The following ASCC1 variants were observed in gnomAD, a reference collection of about 807,000 sequenced individuals.
The protein encoded by ASCC1 is ASC-1 complex subunit P50.
Under a neutral mutation model 46.6 loss-of-function variants are expected in ASCC1, and 35 were observed. The ratio of observed to expected loss-of-function variants is 0.75; its 90% CI spans 0.57 to 0.99. ASCC1 has a LOEUF of 0.99. ASCC1 is among the 50% of genes least tolerant of loss of function. ASCC1 has a pLI of 0.00. For synonymous variants in ASCC1, 143 were observed against 146.6 expected (o/e 0.98, Z 0.18); for missense variants, 376 against 428.7 (o/e 0.88, Z 1.09).
intron 6 of ASCC1, among the ~76,000 whole-genome samples, chr10:72,154,490 A>C (rs1848718245): frequency 6.7e-6 from 1 of 150,184 alleles, no homozygotes; most frequent in Non-Finnish European, 1.5e-5. Flanking sequence ...ATTTATGCAT[A>C]GGGTTTTTTT....
rs374260680 is a variant in ASCC1, at chr10:72,192,870, G to A, written c.489+3941C>T. 5.9e-5 allele frequency among the ~76,000 whole-genome samples: 9 copies of A among 152,244 alleles called. No individual in the cohort carries two copies. In the East Asian group the frequency reaches 1.2e-3, roughly 20 times the overall value. ...AGATAATATAAGGATGGCAAAAAAA[G>A]CACATGAAAAAATGTTCAACATCAT... On this transcript the variant is annotated intron_variant, in intron 5 of 9. Transcript: ENST00000672957.
At chr10:72,213,446 C>A in intron 1 of ASCC1, 115 bp from the exon 2 acceptor site, 1 of 663,444 alleles carries the variant, frequency 1.5e-6, no homozygotes, top group Non-Finnish European at 2.8e-6. Flanking sequence ...ATCTCCCACA[C>A]AAAAGCAGCA....
Position 72,204,473 on chromosome 10 carries a change from C to T in ASCC1, c.213-949G>A, listed in dbSNP as rs781474269. The T allele has an allele frequency of 1.2e-5, 18 of 1,550,318 alleles. No homozygotes were observed. In the South Asian group the frequency reaches 1.9e-4, roughly 16 times the overall value. On this transcript the variant is annotated intron_variant, in intron 3 of 9. Coordinates refer to ENST00000672957, the MANE Select transcript of ASCC1 (RefSeq NM_001198800.3). ...ACAATCCAAAGTTATCTTCTGGAAC[C>T]CACAGTCGTTTGATGTGTTCAAGTG...
At chr10:72,139,971 G>A (rs1846764961) in intron 7 of ASCC1, among the ~76,000 whole-genome samples, 2 of 152,194 alleles carry the variant, frequency 1.3e-5, no homozygotes, top group East Asian at 3.8e-4. Context: ...GCAATACAGA[G>A]TGTTTCGGGT....
intron 5 of ASCC1, among the ~76,000 whole-genome samples, chr10:72,172,811 T>A (rs1156883027): frequency 9.7e-5 from 13 of 134,298 alleles, no homozygotes; most frequent in African/African-American, 3.3e-4. Context: ...ATTTTTATAT[T>A]ATATATAATA....
chr10:72,211,102 CATCT>C, intron 2 of ASCC1, among the ~76,000 whole-genome samples: 1 of 152,272 alleles, frequency 6.6e-6, no homozygotes, highest in East Asian at 1.9e-4. Context: ...TAGTTCCCCC[CATCT>C]GTGGTTTCGC....
chr10:72,186,516 G>A (rs534232516), intron 5 of ASCC1, among the ~76,000 whole-genome samples: 46 of 152,128 alleles, frequency 3.0e-4, no homozygotes, highest in Non-Finnish European at 5.9e-4. Flanking sequence ...CAGTGAACAG[G>A]TATTTGCTCT....
intron 5 of ASCC1, among the ~76,000 whole-genome samples, chr10:72,188,515 A>T (rs1853858566): frequency 6.6e-6 from 1 of 152,076 alleles, no homozygotes; most frequent in Non-Finnish European, 1.5e-5. Flanking sequence ...AAAAAAGGAA[A>T]AGAAAAGGAA....
chr10:72,172,869 A>G (rs1345310868), intron 5 of ASCC1, among the ~76,000 whole-genome samples: 1 of 123,414 alleles, frequency 8.1e-6, no homozygotes, highest in Non-Finnish European at 1.7e-5. Context: ...TATTATATAT[A>G]TTATATATTA....
intron 9 of ASCC1, among the ~76,000 whole-genome samples, chr10:72,125,202 A>T (rs2132193031): frequency 6.6e-6 from 1 of 152,244 alleles, no homozygotes; most frequent in Non-Finnish European, 1.5e-5. Context: ...ATGAGCAATG[A>T]CTTTCTTTCT....
In ASCC1 at chr10:72,174,764, T is replaced by C. The variant is rs76288172; in HGVS notation, c.490-13090A>G. On this transcript the variant is annotated intron_variant, in intron 5 of 9. Transcript: ENST00000672957. Reference sequence around the variant, plus strand: ...GCCTAGGGTTCTAATTCTAACTTTGTCACAAACCAGCTGTAATTAGGCAAG... The same window carrying C: ...GCCTAGGGTTCTAATTCTAACTTTGCCACAAACCAGCTGTAATTAGGCAAG... Among the ~76,000 whole-genome samples, 522 of 152,314 alleles carry C rather than the reference T, an allele frequency of 3.4e-3. 5 individuals carry two copies. Among genetic ancestry groups the C allele is most frequent in the African/African-American group, 0.012 (506 of 41,560 alleles).
intron 3 of ASCC1, among the ~76,000 whole-genome samples, chr10:72,210,303 A>T (rs1320864823): frequency 6.6e-6 from 1 of 151,612 alleles, no homozygotes; most frequent in East Asian, 1.9e-4. Flanking sequence ...GGGATTACAG[A>T]TGCCTGCCAC....
At chr10:72,173,003 T>A (rs1302284280) in intron 5 of ASCC1, among the ~76,000 whole-genome samples, 1 of 139,534 alleles carries the variant, frequency 7.2e-6, no homozygotes, top group Non-Finnish European at 1.5e-5. Flanking sequence ...ATATATATAT[T>A]TCTTATATTT....
At chr10:72,129,568 G>C (rs777939741) in intron 8 of ASCC1, among the ~76,000 whole-genome samples, 1 of 151,954 alleles carries the variant, frequency 6.6e-6, no homozygotes, top group Admixed American at 6.6e-5. Flanking sequence ...TTGGGAGGCC[G>C]GGACAGGTGG....
chr10:72,166,461 G>A (rs1326063310), intron 5 of ASCC1, among the ~76,000 whole-genome samples: 1 of 145,140 alleles, frequency 6.9e-6, no homozygotes, highest in Non-Finnish European at 1.5e-5. Context: ...GTTTCTTTTT[G>A]TAGAGAAAAA....
intron 5 of ASCC1, among the ~76,000 whole-genome samples, chr10:72,181,260 G>T (rs773098439): frequency 6.6e-6 from 1 of 152,002 alleles, no homozygotes; most frequent in Non-Finnish European, 1.5e-5. Flanking sequence ...CACCGCGCCC[G>T]GCCTATTTGC....
At chr10:72,215,942 G>A (rs1589691672) in intron 1 of ASCC1, 1 of 152,292 alleles carries the variant, frequency 6.6e-6, no homozygotes, top group African/African-American at 2.4e-5. Context: ...ATTCCTCTAC[G>A]CGAGCGCGTT....
At chr10:72,123,049 G>A (rs920866917) in intron 9 of ASCC1, among the ~76,000 whole-genome samples, 2 of 152,146 alleles carry the variant, frequency 1.3e-5, no homozygotes, top group Admixed American at 1.3e-4. Context: ...TAAAAAATCA[G>A]AGCAGAGGCT....
chr10:72,151,609 A>G (rs938747786), intron 7 of ASCC1, among the ~76,000 whole-genome samples: 8 of 152,118 alleles, frequency 5.3e-5, no homozygotes, highest in African/African-American at 1.2e-4. Context: ...AAAAGAGTAA[A>G]CATTTTTTGA....
Sources: allele counts gnomAD v4.1 joint callset (sites outside exome capture counted in the v4.1 genomes callset), GRCh38; gene constraint gnomAD v4.1.1; transcripts MANE v1.5; gene names NCBI Gene and HGNC (gene_info 2026-07-23, HGNC 2026-07-21).